NCAM1: variants seen among roughly 807,000 people sequenced by gnomAD.
NCAM1 encodes the protein antigen recognized by monoclonal antibody 5.1H11.
In NCAM1, 14 loss-of-function variants were observed where a neutral mutation model predicts 109.8. The observed-to-expected ratio is 0.13, with a 90% CI of 0.08 to 0.20. The LOEUF is 0.20. NCAM1 is among the 10% of genes least tolerant of loss of function. The pLI is 1.00. For missense variants in NCAM1, 774 were observed against 1,109.9 expected (o/e 0.70, Z 4.30); for synonymous variants, 418 against 442.9 (o/e 0.94, Z 0.70).
chr11:113,037,537 C>T (rs1232011628), intron 1 of NCAM1, among the ~76,000 whole-genome samples: 1 of 152,142 alleles, frequency 6.6e-6, no homozygotes, highest in Non-Finnish European at 1.5e-5. Context: ...CATCACTGGA[C>T]CCCTGAACAC....
intron 1 of NCAM1, among the ~76,000 whole-genome samples, chr11:113,087,225 G>A (rs1302972019): frequency 5.3e-5 from 8 of 152,122 alleles, no homozygotes; most frequent in African/African-American, 1.9e-4. Context: ...TTCACAGGCC[G>A]GAGGACTTTT....
At chr11:113,259,664 A>G (rs1361113365) in intron 16 of NCAM1, among the ~76,000 whole-genome samples, 1 of 148,572 alleles carries the variant, frequency 6.7e-6, no homozygotes, top group East Asian at 2.0e-4. Flanking sequence ...GCAATTTTTC[A>G]GGCTGGTAAA....
At chr11:113,139,484 T>G (rs1489804815) in intron 1 of NCAM1, among the ~76,000 whole-genome samples, 1 of 152,216 alleles carries the variant, frequency 6.6e-6, no homozygotes, top group Non-Finnish European at 1.5e-5. Flanking sequence ...TTATTCTTTT[T>G]CGTCCTGTCA....
Position 113,235,089 on chromosome 11 carries a change from G to A in NCAM1, c.1750G>A (p.Val584Ile), listed in dbSNP as rs375525449. 3.5e-5 allele frequency: 56 copies of A among 1,600,056 alleles called. No individual in the cohort carries two copies. The highest frequency in any genetic ancestry group is 2.7e-4 in the South Asian group (24 of 89,046). Residue 584 changes from valine to isoleucine, a missense_variant, in exon 14 of 20, where the codon GTA (valine) becomes ATA (isoleucine). Around this residue, in one of 4 missense-constraint regions of NCAM1, gnomAD observed 523 missense variants for 784.2 expected, o/e 0.67. Coordinates refer to ENST00000316851, the MANE Select transcript of NCAM1 (RefSeq NM_181351.5). ...VGLKPETTYA[V>I]RLAALNGKGL... ...CCTGAAGCCCGAAACAACGTACGCC[G>A]TAAGGCTGGCGGCGCTCAATGGCAA...
At chr11:113,206,338 CTT>C (rs199506206) in intron 5 of NCAM1, among the ~76,000 whole-genome samples, 158 bp downstream of exon 5, 41 of 136,150 alleles carry the variant, frequency 3.0e-4, no homozygotes, top group South Asian at 9.5e-4. Flanking sequence ...ATCTAGATTT[CTT>C]TTTTTTTTTT....
At chr11:112,979,237 A>T in intron 1 of NCAM1, among the ~76,000 whole-genome samples, 1 of 147,414 alleles carries the variant, frequency 6.8e-6, no homozygotes, top group Non-Finnish European at 1.5e-5. Context: ...AGAAAAAAAA[A>T]CAAACAAAAA....
At position 112,989,507 on chromosome 11, in the gene NCAM1, A is replaced by G. The variant is rs935746755; in HGVS notation, c.52+27843A>G. ...ATTTATTACATTTCTTATTTTGTTC[A>G]TGCATTGTCTTCCTAAACTCATTTA... On this transcript the variant is annotated intron_variant, in intron 1 of 19. Transcript: ENST00000316851. Among the ~76,000 whole-genome samples the G allele has an allele frequency of 3.3e-5, 5 of 152,006 alleles. No homozygotes were observed. The South Asian group carries it at 1.0e-3, about 32-fold the overall frequency.
intron 1 of NCAM1, among the ~76,000 whole-genome samples, chr11:113,192,187 C>T (rs932268795): frequency 5.3e-5 from 8 of 152,168 alleles, no homozygotes; most frequent in African/African-American, 1.4e-4. Flanking sequence ...TTCAGGAGAG[C>T]AGACCAAAGA....
At chr11:112,988,751 A>AC (rs1951379133) in intron 1 of NCAM1, among the ~76,000 whole-genome samples, 1 of 137,902 alleles carries the variant, frequency 7.3e-6, no homozygotes. Flanking sequence ...TTTCAACAGT[A>AC]TTTTTTTTTT....
Position 113,189,933 on chromosome 11 carries a change from G to A in NCAM1, c.53-12446G>A, listed in dbSNP as rs1943627009. 2.0e-5 allele frequency among the ~76,000 whole-genome samples: 3 copies of A among 151,156 alleles called. No individual in the cohort carries two copies. In the South Asian group the frequency reaches 6.2e-4, roughly 31 times the overall value. Reference sequence around the variant, plus strand: ...AAGGATCTCATTCCATATTCAATTTGTATGACTTATTAGCAGTTCTTTTTG... The same window carrying A: ...AAGGATCTCATTCCATATTCAATTTATATGACTTATTAGCAGTTCTTTTTG... On this transcript the variant is annotated intron_variant, in intron 1 of 19. Coordinates refer to ENST00000316851, the MANE Select transcript of NCAM1 (RefSeq NM_181351.5).
chr11:113,157,927 T>C (rs1391627701), intron 1 of NCAM1, among the ~76,000 whole-genome samples: 1 of 152,124 alleles, frequency 6.6e-6, no homozygotes, highest in Non-Finnish European at 1.5e-5. Flanking sequence ...GGGAGGAATA[T>C]TTTAATAGCC....
chr11:113,030,483 A>T (rs1229612500), intron 1 of NCAM1, among the ~76,000 whole-genome samples: 2 of 152,122 alleles, frequency 1.3e-5, no homozygotes, highest in Non-Finnish European at 2.9e-5. Context: ...CAGAATTAAG[A>T]TGTTATCTCT....
Position 112,961,648 on chromosome 11 carries a change from T to C in NCAM1, c.36T>C (p.Phe12=). The change falls in exon 1 of 20, where the codon TTT becomes TTC. Residue 12 remains phenylalanine (F), a synonymous_variant. Coordinates refer to ENST00000316851, the MANE Select transcript of NCAM1 (RefSeq NM_181351.5). ...CTAAGGATCTCATCTGGACTTTGTT[T>C]TTCCTGGGAACTGCAGGTACATTTT... The part of the protein sequence containing the change: ...LQTKDLIWTL[F]FLGTAVSLQV... 6.7e-7 allele frequency: 1 copy of C among 1,497,298 alleles called. No individual in the cohort carries two copies. The highest frequency in any genetic ancestry group is 9.3e-7 in the Non-Finnish European group (1 of 1,080,230). 92.8% of individuals were successfully genotyped at this position (1,497,298 alleles called of 1,614,324 possible). A position where few individuals can be genotyped will look rare whatever the true frequency, so the allele number is the denominator to read the frequency against.
intron 1 of NCAM1, among the ~76,000 whole-genome samples, chr11:113,111,592 A>G (rs1320287781): frequency 2.0e-5 from 3 of 152,240 alleles, no homozygotes; most frequent in African/African-American, 4.8e-5. Flanking sequence ...TCGTGTGGTT[A>G]TATGACTGTA....
At chr11:113,071,660 C>T (rs756513235) in intron 1 of NCAM1, among the ~76,000 whole-genome samples, 1 of 152,020 alleles carries the variant, frequency 6.6e-6, no homozygotes, top group Admixed American at 6.5e-5. Flanking sequence ...CTCCTGACCT[C>T]GTGATCCGCC....
intron 17 of NCAM1, among the ~76,000 whole-genome samples, chr11:113,260,648 G>A (rs1945964540): frequency 6.6e-6 from 1 of 152,148 alleles, no homozygotes; most frequent in Non-Finnish European, 1.5e-5. Context: ...GGTTGAGTAA[G>A]GATCCTTTTT....
In NCAM1 at chr11:113,065,459, T is replaced by C. The variant is rs568618258; in HGVS notation, c.52+103795T>C. On this transcript the variant is annotated intron_variant, in intron 1 of 19. Transcript: ENST00000316851. ...GTAACTTCACAGGGGAGAAACCTGGTAAATAGTACCCAAGCCATGTGACCA... is the reference window on the plus strand; with the variant it reads ...GTAACTTCACAGGGGAGAAACCTGGCAAATAGTACCCAAGCCATGTGACCA... 1.2e-4 allele frequency among the ~76,000 whole-genome samples: 19 copies of C among 152,236 alleles called. No homozygotes were observed. In the South Asian group the frequency reaches 1.9e-3, roughly 15 times the overall value.
chr11:113,225,059 A>C (rs1214455194), intron 9 of NCAM1, among the ~76,000 whole-genome samples: 10 of 152,246 alleles, frequency 6.6e-5, no homozygotes, highest in African/African-American at 2.4e-4. Context: ...GCTCCTCACC[A>C]GCAGCGGAAC....
At chr11:113,259,001 G>C (rs1243093241) in intron 16 of NCAM1, among the ~76,000 whole-genome samples, 2 of 151,748 alleles carry the variant, frequency 1.3e-5, no homozygotes, top group Admixed American at 6.6e-5. Context: ...TGTGTGTAAA[G>C]CTTTTGTAGT....
Sources: allele counts gnomAD v4.1 joint callset (sites outside exome capture counted in the v4.1 genomes callset), GRCh38; gene constraint gnomAD v4.1.1; regional missense constraint gnomAD v4.1.1; transcripts MANE v1.5; gene names NCBI Gene and HGNC (gene_info 2026-07-23, HGNC 2026-07-21).